GLG1: variants seen among roughly 807,000 people sequenced by gnomAD.
GLG1 encodes Golgi apparatus protein 1.
GLG1 carries 38 observed loss-of-function variants against 160.5 expected under a neutral mutation model. That is an observed-to-expected ratio of 0.24 (90% CI 0.18 to 0.31). The LOEUF (loss-of-function observed/expected upper bound fraction) is 0.31. GLG1 is among the 10% of genes least tolerant of loss of function. The probability of loss-of-function intolerance (pLI) is 1.00; values close to 1 mark genes in which losing one functional copy is unlikely to be tolerated. For synonymous variants in GLG1, 644 were observed against 543.4 expected (o/e 1.19, Z -2.57); for missense variants, 1,373 against 1,505.2 (o/e 0.91, Z 1.45).
At chr16:74,520,512 T>A (rs1220526982) in intron 2 of GLG1, among the ~76,000 whole-genome samples, 1 of 152,164 alleles carries the variant, frequency 6.6e-6, no homozygotes, top group Non-Finnish European at 1.5e-5. Context: ...GGCGCATGCC[T>A]GTAATCCCAG....
chr16:74,477,539 T>A lies in GLG1; in HGVS notation c.1828-6A>T, dbSNP rs373476384. ...GCTCGGCACTCCCGTGAGAGCTGCA[T>A]GAGAAAAAATGAGCTAAATACTTGA... is the stretch of plus-strand genomic sequence containing the variant. On this transcript the variant is annotated splice_region_variant and splice_polypyrimidine_tract_variant and intron_variant, in intron 11 of 25. Transcript: ENST00000422840. 1 of 1,607,206 alleles carries A rather than the reference T, an allele frequency of 6.2e-7. No individual in the cohort carries two copies. Among genetic ancestry groups the A allele is most frequent in the Non-Finnish European group, 8.5e-7 (1 of 1,176,070 alleles).
intron 1 of GLG1, among the ~76,000 whole-genome samples, chr16:74,594,410 T>C (rs564710768): frequency 6.6e-6 from 1 of 152,264 alleles, no homozygotes; most frequent in East Asian, 1.9e-4. Flanking sequence ...ACTTTCTGAT[T>C]TCAGTAAAAT....
intron 1 of GLG1, among the ~76,000 whole-genome samples, chr16:74,595,622 CTCTTA>C (rs1367063367): frequency 2.6e-5 from 4 of 152,218 alleles, no homozygotes; most frequent in African/African-American, 9.6e-5. Context: ...ATTTATTCTT[CTCTTA>C]TGACACTTAT....
rs933052870 is a variant in GLG1 at position 74,451,324 on chromosome 16, T to C, written c.*1843A>G. The stretch of plus-strand genomic sequence containing the variant: ...GGACTAAGCAGCTTAGCAGCTTCCC[T>C]TGGTGACTTGGCAGGGGGACAATCA... On this transcript the variant is annotated 3_prime_UTR_variant, in exon 26 of 26. Transcript: ENST00000422840. 5.3e-5 allele frequency: 8 copies of C among 152,304 alleles called. No individual in the cohort carries two copies. The highest frequency in any genetic ancestry group is 2.1e-4 in the South Asian group (1 of 4,826). 9.4% of individuals were successfully genotyped at this position (152,304 alleles called of 1,614,324 possible). A position where few individuals can be genotyped will look rare whatever the true frequency, so the allele number is the denominator to read the frequency against.
chr16:74,503,481 T>C lies in GLG1; in HGVS notation c.774+50A>G, dbSNP rs202104048. 3.8e-4 allele frequency: 476 copies of C among 1,251,478 alleles called. 1 individual carries two copies. The African/African-American group carries it at 6.1e-3, about 16-fold the overall frequency. The allele number at this position is 1,251,478 out of a possible 1,614,324, so 77.5% of individuals were successfully genotyped here. ...CATGTCAGTTATACAAAGCTTTTCATACACCAAATTTTAAGACCCCTTTGT... is the reference window on the plus strand; with the variant it reads ...CATGTCAGTTATACAAAGCTTTTCACACACCAAATTTTAAGACCCCTTTGT... On this transcript the variant is annotated intron_variant, in intron 4 of 25. Coordinates refer to ENST00000422840, the MANE Select transcript of GLG1 (RefSeq NM_001145667.2).
At chr16:74,526,956 A>T (rs1450547923) in intron 2 of GLG1, among the ~76,000 whole-genome samples, 16 of 152,196 alleles carry the variant, frequency 1.1e-4, no homozygotes, top group Admixed American at 1.0e-3. Flanking sequence ...CTCAGGGCAT[A>T]ATCTGTGTTT....
At chr16:74,522,036 C>G (rs963600343) in intron 2 of GLG1, among the ~76,000 whole-genome samples, 1 of 152,238 alleles carries the variant, frequency 6.6e-6, no homozygotes, top group African/African-American at 2.4e-5. Context: ...TCATTAACAG[C>G]TCTTCACAGC....
At chr16:74,601,813 C>T (rs1421049620) in intron 1 of GLG1, among the ~76,000 whole-genome samples, 1 of 152,184 alleles carries the variant, frequency 6.6e-6, no homozygotes, top group Non-Finnish European at 1.5e-5. Context: ...GCATTCTCAA[C>T]AGTCACAGAC....
At chr16:74,595,871 C>T (rs1958288199) in intron 1 of GLG1, among the ~76,000 whole-genome samples, 1 of 152,140 alleles carries the variant, frequency 6.6e-6, no homozygotes, top group Non-Finnish European at 1.5e-5. Context: ...CGCTTGTAAT[C>T]CCAGCACTTT....
chr16:74,477,750 G>A (rs1040600059), intron 11 of GLG1, among the ~76,000 whole-genome samples: 4 of 152,010 alleles, frequency 2.6e-5, no homozygotes, highest in Non-Finnish European at 5.9e-5. Flanking sequence ...GAGGCGGGCG[G>A]ATCACCTGAG....
intron 1 of GLG1, among the ~76,000 whole-genome samples, chr16:74,568,456 C>T (rs894905288): frequency 5.0e-5 from 7 of 140,132 alleles, no homozygotes; most frequent in South Asian, 2.2e-4. Flanking sequence ...CTTGCTCTTT[C>T]GCCCAGGCTG....
At chr16:74,482,215 C>T (rs1222174955) in intron 10 of GLG1, among the ~76,000 whole-genome samples, 1 of 152,084 alleles carries the variant, frequency 6.6e-6, no homozygotes, top group East Asian at 1.9e-4. Context: ...TGGCCTTAAA[C>T]TCCTGGCCTC....
chr16:74,534,550 C>T (rs1423190984), intron 1 of GLG1, among the ~76,000 whole-genome samples: 1 of 151,950 alleles, frequency 6.6e-6, no homozygotes, highest in African/African-American at 2.4e-5. Context: ...AAGATGTAAG[C>T]TCCCCATAGA....
intron 1 of GLG1, among the ~76,000 whole-genome samples, chr16:74,599,959 A>C (rs987321577): frequency 6.7e-6 from 1 of 149,268 alleles, no homozygotes; most frequent in African/African-American, 2.5e-5. Flanking sequence ...GCTTGAATAC[A>C]GGAGACAAAG....
intron 1 of GLG1, among the ~76,000 whole-genome samples, chr16:74,559,420 G>A (rs373618813): frequency 4.6e-5 from 7 of 151,616 alleles, no homozygotes; most frequent in African/African-American, 1.7e-4. Context: ...CTCCAGCCTG[G>A]GTGACAGAGG....
intron 1 of GLG1, among the ~76,000 whole-genome samples, chr16:74,596,330 A>G (rs1228019764): frequency 6.6e-6 from 1 of 152,116 alleles, no homozygotes; most frequent in Non-Finnish European, 1.5e-5. Context: ...GCAGTTCGAG[A>G]CAAGCCTGGC....
intron 1 of GLG1, among the ~76,000 whole-genome samples, chr16:74,596,518 T>G (rs1376397850): frequency 6.6e-6 from 1 of 151,912 alleles, no homozygotes. Context: ...CACAAGAGAC[T>G]CCACCTCAAA....
intron 2 of GLG1, among the ~76,000 whole-genome samples, chr16:74,529,316 T>C (rs1385249314): frequency 6.6e-6 from 1 of 152,136 alleles, no homozygotes; most frequent in African/African-American, 2.4e-5. Flanking sequence ...AAACTACCCA[T>C]AAGTTCTTAA....
intron 1 of GLG1, among the ~76,000 whole-genome samples, chr16:74,581,285 T>C (rs1019816206): frequency 5.9e-5 from 9 of 152,082 alleles, no homozygotes; most frequent in African/African-American, 1.4e-4. Context: ...ATGCAGTGTA[T>C]ACGTATAATG....
Sources: allele counts gnomAD v4.1 joint callset (sites outside exome capture counted in the v4.1 genomes callset), GRCh38; gene constraint gnomAD v4.1.1; transcripts MANE v1.5; gene names NCBI Gene and HGNC (gene_info 2026-07-23, HGNC 2026-07-21).